LOC128092252: variants seen among roughly 807,000 people sequenced by gnomAD.
At chr15:50,650,322 C>T in the LOC128092252 span, among the ~76,000 whole-genome samples, 2 of 151,776 alleles carry the variant, frequency 1.3e-5, no homozygotes, top group African/African-American at 2.4e-5. Context: ...TTCCCACCAG[C>T]CAGAGTAGAG....
chr15:50,661,176 C>G, the LOC128092252 span, among the ~76,000 whole-genome samples: 1 of 151,966 alleles, frequency 6.6e-6, no homozygotes, highest in Non-Finnish European at 1.5e-5. Context: ...AGTGTTTCAC[C>G]ATGTTGGCCA....
chr15:50,680,951 C>T, the LOC128092252 span, among the ~76,000 whole-genome samples: 1 of 152,060 alleles, frequency 6.6e-6, no homozygotes, highest in Non-Finnish European at 1.5e-5. Context: ...AATTTTCCTG[C>T]GGGATTAATA....
chr15:50,673,798 T>C, the LOC128092252 span, among the ~76,000 whole-genome samples: 2 of 152,224 alleles, frequency 1.3e-5, no homozygotes, highest in African/African-American at 4.8e-5. Context: ...TACCCAGTAG[T>C]GGGACTGCTG....
chr15:50,658,478 G>A, the LOC128092252 span, among the ~76,000 whole-genome samples: 29 of 151,884 alleles, frequency 1.9e-4, no homozygotes, highest in Non-Finnish European at 3.5e-4. Flanking sequence ...GCTGAGGTGG[G>A]AGGATTCCTT....
the LOC128092252 span, among the ~76,000 whole-genome samples, chr15:50,650,188 G>T: frequency 2.9e-5 from 2 of 69,090 alleles, no homozygotes; most frequent in East Asian, 9.5e-4. Context: ...GTGAGACTTT[G>T]TCTCAAAAAA....
the LOC128092252 span, chr15:50,686,686 C>A: frequency 7.2e-6 from 7 of 976,434 alleles, no homozygotes; most frequent in South Asian, 1.7e-5. Context: ...TAACTCAGCT[C>A]CGGCGCTAGC....
chr15:50,664,195 G>C, the LOC128092252 span, among the ~76,000 whole-genome samples: 1 of 151,616 alleles, frequency 6.6e-6, no homozygotes, highest in Non-Finnish European at 1.5e-5. Context: ...CTACTCCGGA[G>C]GCTGAGGCAG....
chr15:50,657,904 CAAAAA>C, the LOC128092252 span: 18 of 1,078,498 alleles, frequency 1.7e-5, 1 homozygote, highest in South Asian at 2.7e-4. Context: ...AAATACAAAA[CAAAAA>C]AAATTATATA....
the LOC128092252 span, among the ~76,000 whole-genome samples, chr15:50,652,596 G>A: frequency 2.7e-5 from 4 of 150,712 alleles, no homozygotes; most frequent in African/African-American, 9.7e-5. Context: ...CTTCACTGGT[G>A]AATTTCATCA....
the LOC128092252 span, among the ~76,000 whole-genome samples, chr15:50,670,921 C>T: frequency 6.6e-6 from 1 of 151,804 alleles, no homozygotes; most frequent in South Asian, 2.1e-4. Flanking sequence ...TGCCTGTAAT[C>T]TTAGCAGTCT....
chr15:50,653,769 T>G, the LOC128092252 span, among the ~76,000 whole-genome samples: 2 of 152,148 alleles, frequency 1.3e-5, no homozygotes, highest in African/African-American at 4.8e-5. Context: ...GAAAAAAATC[T>G]CACATGGGGA....
chr15:50,661,254 T>C, the LOC128092252 span, among the ~76,000 whole-genome samples: 12 of 152,102 alleles, frequency 7.9e-5, no homozygotes, highest in African/African-American at 2.9e-4. Flanking sequence ...GGATTACAGG[T>C]GTCAGCCACC....
the LOC128092252 span, among the ~76,000 whole-genome samples, chr15:50,672,898 CAAAAAAA>C: frequency 1.5e-4 from 4 of 26,218 alleles, no homozygotes; most frequent in Admixed American, 1.3e-3. Context: ...GACTCTGTCT[CAAAAAAA>C]AAAAAAAAAA....
chr15:50,673,671 CGTT>C, the LOC128092252 span, among the ~76,000 whole-genome samples: 1 of 152,066 alleles, frequency 6.6e-6, no homozygotes. Flanking sequence ...TTTATCCACT[CGTT>C]GACTTGATGG....
At chr15:50,658,146 A>G in the LOC128092252 span, among the ~76,000 whole-genome samples, 2 of 151,920 alleles carry the variant, frequency 1.3e-5, no homozygotes, top group Non-Finnish European at 2.9e-5. Context: ...CTGGGACTAC[A>G]GGCTCCTGCC....
the LOC128092252 span, among the ~76,000 whole-genome samples, chr15:50,673,808 G>A: frequency 1.7e-4 from 26 of 152,134 alleles, no homozygotes; most frequent in Non-Finnish European, 2.9e-4. Context: ...TGGGACTGCT[G>A]TATCAAATGG....
the LOC128092252 span, among the ~76,000 whole-genome samples, chr15:50,660,448 C>G: frequency 1.3e-5 from 2 of 152,010 alleles, no homozygotes; most frequent in Admixed American, 1.3e-4. Flanking sequence ...AGGTCAGGAG[C>G]TCGAGACCAG....
chr15:50,686,434 T>A, the LOC128092252 span: 1 of 1,601,118 alleles, frequency 6.2e-7, no homozygotes, highest in African/African-American at 1.3e-5. Flanking sequence ...CTTCGCCGCA[T>A]GGAACGCGGC....
At chr15:50,656,930 C>T in the LOC128092252 span, among the ~76,000 whole-genome samples, 20 of 152,284 alleles carry the variant, frequency 1.3e-4, no homozygotes, top group African/African-American at 4.8e-4. Flanking sequence ...TCAAAAACAT[C>T]TTACTTCAGG....
Sources: allele counts gnomAD v4.1 joint callset (sites outside exome capture counted in the v4.1 genomes callset), GRCh38; gene constraint gnomAD v4.1.1; transcripts MANE v1.5.